HOMER1: variants seen among roughly 807,000 people sequenced by gnomAD.
The protein encoded by HOMER1 is homer protein homolog 1.
A neutral mutation model predicts 48.9 loss-of-function variants in HOMER1; 3 were observed. The ratio of observed to expected loss-of-function variants is 0.06; its 90% CI spans 0.03 to 0.16. The LOEUF is 0.16. Among genes scored for constraint, HOMER1 ranks in the 10% least tolerant of loss-of-function variants. HOMER1 has a pLI of 1.00. For missense variants in HOMER1, 247 were observed against 411.4 expected (o/e 0.60, Z 3.46); for synonymous variants, 134 against 146.4 (o/e 0.92, Z 0.61).
At chr5:79,508,911 C>T (rs1010732160) in intron 1 of HOMER1, among the ~76,000 whole-genome samples, 4 of 152,184 alleles carry the variant, frequency 2.6e-5, no homozygotes, top group African/African-American at 9.7e-5. Flanking sequence ...GGTAAGTACA[C>T]GCACTATAAC....
intron 8 of HOMER1, among the ~76,000 whole-genome samples, chr5:79,382,229 G>C (rs1749000967): frequency 1.3e-5 from 2 of 151,960 alleles, no homozygotes; most frequent in Non-Finnish European, 2.9e-5. Context: ...AGAGCAAAAG[G>C]GTAGAAAACC....
intron 5 of HOMER1, among the ~76,000 whole-genome samples, chr5:79,436,696 T>C (rs1750592895): frequency 6.6e-6 from 1 of 152,214 alleles, no homozygotes; most frequent in Non-Finnish European, 1.5e-5. Flanking sequence ...CTACCACAGT[T>C]TGGAAAATCA....
At chr5:79,478,651 C>G (rs952165086) in intron 1 of HOMER1, among the ~76,000 whole-genome samples, 2 of 150,844 alleles carry the variant, frequency 1.3e-5, no homozygotes, top group African/African-American at 4.9e-5. Context: ...TAATTCCAAT[C>G]TCTCAAAAAT....
chr5:79,483,110 T>C (rs907373615), intron 1 of HOMER1, among the ~76,000 whole-genome samples: 1 of 151,690 alleles, frequency 6.6e-6, no homozygotes, highest in African/African-American at 2.4e-5. Context: ...AAAAAAAAAT[T>C]AAGAAAACTA....
Position 79,373,610 on chromosome 5 carries a change from CCTA to C in HOMER1, c.*2396_*2398del, listed in dbSNP as rs1232081961. The C allele has an allele frequency of 1.3e-5, 2 of 151,838 alleles. No homozygotes were observed. The highest frequency in any genetic ancestry group is 6.6e-5 in the Admixed American group (1 of 15,232). The allele number at this position is 151,838 out of a possible 1,614,324, so 9.4% of individuals were successfully genotyped here. A position where few individuals can be genotyped will look rare whatever the true frequency, so the allele number is the denominator to read the frequency against. The stretch of plus-strand genomic sequence containing the variant: ...GTGGATGATGATTTCTACATACTCT[CCTA>C]CTGTAAATGAATAGTTAAAAGTCTT... On this transcript the variant is annotated 3_prime_UTR_variant, in exon 9 of 9. Transcript: ENST00000334082.
At chr5:79,474,206 A>AT (rs1009644672) in intron 1 of HOMER1, among the ~76,000 whole-genome samples, 2,725 of 98,730 alleles carry the variant, frequency 0.028, 139 homozygotes, top group African/African-American at 0.069. Flanking sequence ...CCCAACCAAA[A>AT]TTTTTTTTTT....
chr5:79,437,532 G>A (rs11950708), intron 5 of HOMER1, among the ~76,000 whole-genome samples: 8,578 of 152,104 alleles, frequency 0.056, 768 homozygotes, highest in African/African-American at 0.19. Context: ...AGAAAATATC[G>A]TTATACCACA....
Position 79,440,498 on chromosome 5 carries a change from AATTTC to A in HOMER1, c.388-1354_388-1350del, listed in dbSNP as rs535605761. ...AGTAAAACTTCTAATTTTGACCTTT[AATTTC>A]ATTTTTATTAAATATTTCTCCTAAA... On this transcript the variant is annotated intron_variant, in intron 4 of 8. Coordinates refer to ENST00000334082, the MANE Select transcript of HOMER1 (RefSeq NM_004272.5). Among the ~76,000 whole-genome samples the A allele has an allele frequency of 3.1e-4, 47 of 152,306 alleles. No homozygotes were observed. In the East Asian group the frequency reaches 8.9e-3, roughly 29 times the overall value.
intron 1 of HOMER1, among the ~76,000 whole-genome samples, chr5:79,504,979 T>C (rs1262970508): frequency 1.3e-5 from 2 of 152,166 alleles, no homozygotes; most frequent in Non-Finnish European, 2.9e-5. Context: ...TAGACTTCTA[T>C]TAAGACTCCC....
chr5:79,474,081 GAGTGC>G (rs1751691041), intron 1 of HOMER1, among the ~76,000 whole-genome samples: 1 of 152,008 alleles, frequency 6.6e-6, no homozygotes, highest in Admixed American at 6.6e-5. Flanking sequence ...TCCCAGGCTG[GAGTGC>G]AGTAGTATGC....
intron 5 of HOMER1, among the ~76,000 whole-genome samples, chr5:79,425,943 C>T: frequency 6.6e-6 from 1 of 151,596 alleles, no homozygotes. Context: ...TATAAAGTTC[C>T]AATAGCCTTA....
At chr5:79,459,568 A>AG (rs1751260019) in intron 1 of HOMER1, among the ~76,000 whole-genome samples, 1 of 152,216 alleles carries the variant, frequency 6.6e-6, no homozygotes, top group Non-Finnish European at 1.5e-5. Context: ...CTACAGATCC[A>AG]GGGAACAGAA....
chr5:79,443,426 T>C (rs771257354), intron 4 of HOMER1, among the ~76,000 whole-genome samples: 11 of 152,110 alleles, frequency 7.2e-5, no homozygotes, highest in Non-Finnish European at 1.3e-4. Flanking sequence ...AGTCTGGGAG[T>C]GGAGCTCACC....
chr5:79,393,325 T>C (rs1749301356), intron 8 of HOMER1, among the ~76,000 whole-genome samples: 1 of 152,096 alleles, frequency 6.6e-6, no homozygotes, highest in South Asian at 2.1e-4. Context: ...GCATAGTCCT[T>C]AAATTGGGAA....
chr5:79,412,918 G>T (rs62363110), intron 5 of HOMER1, among the ~76,000 whole-genome samples: 295 of 152,278 alleles, frequency 1.9e-3, no homozygotes, highest in Non-Finnish European at 3.3e-3. Context: ...GACTGGAAAG[G>T]GAGAAAGTTT....
intron 1 of HOMER1, among the ~76,000 whole-genome samples, chr5:79,500,963 G>GACACACACACACACACAC (rs140189642): frequency 1.5e-3 from 157 of 101,680 alleles, no homozygotes; most frequent in African/African-American, 5.2e-3. Flanking sequence ...GAGACAGACA[G>GACACACACACACACACAC]ACACACACAC....
intron 1 of HOMER1, among the ~76,000 whole-genome samples, chr5:79,506,443 G>T (rs1304331347): frequency 6.6e-6 from 1 of 152,030 alleles, no homozygotes; most frequent in Admixed American, 6.6e-5. Flanking sequence ...AGTATCAAAA[G>T]GTATGAAATG....
chr5:79,382,924 T>G (rs970765416), intron 8 of HOMER1, among the ~76,000 whole-genome samples: 2 of 152,148 alleles, frequency 1.3e-5, no homozygotes, highest in Admixed American at 1.3e-4. Context: ...ATTCTCCACT[T>G]AAAAGATATA....
At chr5:79,405,606 T>G (rs76478916) in intron 5 of HOMER1, among the ~76,000 whole-genome samples, 1 of 152,200 alleles carries the variant, frequency 6.6e-6, no homozygotes, top group Non-Finnish European at 1.5e-5. Flanking sequence ...TTCCTTTCAT[T>G]GATTCAAGTT....
Sources: gnomAD v4.1 joint callset for allele counts (sites outside exome capture counted in the v4.1 genomes callset) on GRCh38, gnomAD v4.1.1 for gene constraint, MANE v1.5 for transcripts, NCBI Gene and HGNC (gene_info 2026-07-23, HGNC 2026-07-21) for gene names.